NOMO1: variants seen among roughly 807,000 people sequenced by gnomAD.
NOMO1 encodes NODAL modulator 1.
NOMO1 carries 40 observed loss-of-function variants against 133.8 expected under a neutral mutation model. That is an observed-to-expected ratio of 0.30 (90% confidence interval 0.23 to 0.39). The LOEUF (loss-of-function observed/expected upper bound fraction) is 0.39, where lower values mean the gene tolerates loss of function less well. Ranked by LOEUF, NOMO1 falls within the 10% of genes least tolerant of loss-of-function variation. The pLI, the probability that NOMO1 is intolerant of heterozygous loss-of-function variation, is 1.00. For missense variants in NOMO1, 462 were observed against 1,419.9 expected, an observed-to-expected ratio of 0.33 and a Z score of 10.84; for synonymous variants, 236 against 570.5, an observed-to-expected ratio of 0.41 and a Z score of 8.36.
In NOMO1 at chr16:14,876,716, G is replaced by T; in HGVS notation, c.2569G>T (p.Gly857Cys). ...GTACACGGTGACCTCACAGAAGGAG[G>T]GCTATGTTCTGACTGCGGTGGAAGG... ...LEYTVTSQKE[G>C]YVLTAVEGTI... is the part of the protein sequence containing the mutation. Residue 857 changes from glycine to cysteine, a missense_variant, in exon 22 of 31, where the codon GGC becomes TGC. Coordinates refer to ENST00000287667, the MANE Select transcript of NOMO1 (RefSeq NM_014287.4). The T allele has an allele frequency of 1.2e-6, 2 of 1,610,862 alleles. No individual in the cohort carries two copies. The highest frequency in any genetic ancestry group is 2.2e-5 in the South Asian group (2 of 90,928).
At position 14,886,779 on chromosome 16, in the gene NOMO1, G is replaced by T. The variant is rs200317822; in HGVS notation, c.3241G>T (p.Glu1081Ter). 8 of 1,606,396 alleles carry T rather than the reference G, an allele frequency of 5.0e-6. No individual in the cohort carries two copies. The South Asian group carries it at 8.8e-5, about 18-fold the overall frequency. Residue 1081 changes from glutamate (E) to a stop codon, truncating the protein, a stop_gained, in exon 28 of 31, where the codon GAA becomes TAA. Coordinates refer to ENST00000287667, the MANE Select transcript of NOMO1 (RefSeq NM_014287.4). LOFTEE classifies it high-confidence loss of function. The part of the protein sequence containing the change: ...PTLWVKLYKS[E>*]NLDNPIQTVS... Reference sequence around the variant, plus strand: ...CCTCCAGGTCAAGCTTTACAAAAGCGAAAACCTCGACAATCCAATCCAGAC... The same window carrying T: ...CCTCCAGGTCAAGCTTTACAAAAGCTAAAACCTCGACAATCCAATCCAGAC...
chr16:14,886,069 G>T (rs946631562), intron 27 of NOMO1, among the ~76,000 whole-genome samples: 10 of 152,044 alleles, frequency 6.6e-5, no homozygotes, highest in Admixed American at 6.5e-4. Flanking sequence ...CACAGCCTTT[G>T]CCATCAGCCA....
rs1158446395 is a variant in NOMO1 at position 14,856,532 on chromosome 16, C to T, written c.964-685C>T. ...GTTGAAGCGATTCTCCTGCCTCAGCCTCCCGAGTAGCTGGGATTACAGGCG... is the reference window on the plus strand; with the variant it reads ...GTTGAAGCGATTCTCCTGCCTCAGCTTCCCGAGTAGCTGGGATTACAGGCG... On this transcript the variant is annotated intron_variant, in intron 9 of 30. Coordinates refer to ENST00000287667, the MANE Select transcript of NOMO1 (RefSeq NM_014287.4). Among the ~76,000 whole-genome samples the T allele has an allele frequency of 3.3e-5, 5 of 151,846 alleles. No homozygotes were observed. The South Asian group carries it at 6.2e-4, about 19-fold the overall frequency.
intron 14 of NOMO1, 72 bp from the exon 15 acceptor site, chr16:14,866,483 T>G: frequency 6.2e-7 from 1 of 1,609,722 alleles, no homozygotes; most frequent in Non-Finnish European, 8.5e-7. Context: ...TCATGATCAT[T>G]GTTTCTGGTG....
chr16:14,888,648 G>C, intron 28 of NOMO1: 1 of 290,700 alleles, frequency 3.4e-6, no homozygotes, highest in Non-Finnish European at 6.6e-6. Flanking sequence ...CCCTGGTGCC[G>C]TTCCAGGGAT....
Position 14,862,085 on chromosome 16 carries a change from G to A in NOMO1, c.1221-928G>A, listed in dbSNP as rs920190751. 8.6e-5 allele frequency among the ~76,000 whole-genome samples: 13 copies of A among 151,386 alleles called. No homozygotes were observed. The East Asian group carries it at 1.7e-3, about 20-fold the overall frequency. On this transcript the variant is annotated intron_variant, in intron 11 of 30. Coordinates refer to ENST00000287667, the MANE Select transcript of NOMO1 (RefSeq NM_014287.4). Reference sequence around the variant, plus strand: ...TTCCACTGTTTTTTTTATTTGAGGCGGAGTGGTGGTTCCAACATTTAATGT... The same window carrying A: ...TTCCACTGTTTTTTTTATTTGAGGCAGAGTGGTGGTTCCAACATTTAATGT...
At position 14,868,541 on chromosome 16, in the gene NOMO1, T is replaced by G. The variant is rs114663350; in HGVS notation, c.1807-7T>G. On this transcript the variant is annotated splice_region_variant and splice_polypyrimidine_tract_variant and intron_variant, in intron 15 of 30. Coordinates refer to ENST00000287667, the MANE Select transcript of NOMO1 (RefSeq NM_014287.4). ...TAGTAGTCATTGTATTGGCTTTGCTTCCTTAGGAATTTTATCAGGATGGAA... is the reference window on the plus strand; with the variant it reads ...TAGTAGTCATTGTATTGGCTTTGCTGCCTTAGGAATTTTATCAGGATGGAA... 2 of 1,607,874 alleles carry G rather than the reference T, an allele frequency of 1.2e-6. No homozygotes were observed. Among genetic ancestry groups the G allele is most frequent in the Non-Finnish European group, 1.7e-6 (2 of 1,179,690 alleles).
At position 14,895,010 on chromosome 16, in the gene NOMO1, G is replaced by T; in HGVS notation, c.3457G>T (p.Glu1153Ter). 1 of 1,611,034 alleles carries T rather than the reference G, an allele frequency of 6.2e-7. No individual in the cohort carries two copies. Among genetic ancestry groups the T allele is most frequent in the South Asian group, 1.1e-5 (1 of 90,916 alleles). ...LIFNPTRKLP[E>*]QDIAQGSYIA... ...TCGGTGTTTGCAGAGGAAGCTGCCT[G>T]AACAGGACATCGCACAAGGATCCTA... The change falls in exon 30 of 31, where the codon GAA becomes TAA. Residue 1153 changes from glutamate (E) to a stop codon, truncating the protein, a stop_gained. Coordinates refer to ENST00000287667, the MANE Select transcript of NOMO1 (RefSeq NM_014287.4). LOFTEE classifies it high-confidence loss of function.
In NOMO1 at chr16:14,891,437, T is replaced by G. The variant is rs367695055; in HGVS notation, c.3444+2222T>G. Among the ~76,000 whole-genome samples the G allele has an allele frequency of 7.9e-5, 12 of 152,202 alleles. No homozygotes were observed. The East Asian group carries it at 2.3e-3, about 29-fold the overall frequency. ...TCTGCAAAGATTTACTTTATTTCTATGTTAAATGTGTTGATTTTTTTCTTA... is the reference window on the plus strand; with the variant it reads ...TCTGCAAAGATTTACTTTATTTCTAGGTTAAATGTGTTGATTTTTTTCTTA... On this transcript the variant is annotated intron_variant, in intron 29 of 30. Transcript: ENST00000287667.
intron 23 of NOMO1, 116 bp from the exon 24 acceptor site, chr16:14,879,899 G>T: frequency 6.2e-7 from 1 of 1,600,312 alleles, no homozygotes. Flanking sequence ...ATTTCTGGCT[G>T]CCAGGGAAGC....
At chr16:14,850,809 G>A (rs1597095661) in intron 6 of NOMO1, among the ~76,000 whole-genome samples, 1 of 151,802 alleles carries the variant, frequency 6.6e-6, no homozygotes. Flanking sequence ...AAGGCTGGGC[G>A]CAGTTGCTCA....
At chr16:14,884,145 G>A (rs983285581) in intron 26 of NOMO1, among the ~76,000 whole-genome samples, 41 of 151,486 alleles carry the variant, frequency 2.7e-4, no homozygotes, top group Admixed American at 9.9e-4. Context: ...TAATTCAAAC[G>A]TAGAAAAAAA....
chr16:14,883,378 G>A (rs1038784239), intron 26 of NOMO1, among the ~76,000 whole-genome samples: 9 of 147,768 alleles, frequency 6.1e-5, no homozygotes, highest in African/African-American at 2.0e-4. Flanking sequence ...ACCCTGTCAC[G>A]CAGGATGGAG....
intron 1 of NOMO1, among the ~76,000 whole-genome samples, chr16:14,836,934 T>C (rs1222147093): frequency 6.6e-6 from 1 of 151,586 alleles, no homozygotes; most frequent in African/African-American, 2.4e-5. Context: ...CTCGATCTCC[T>C]GACCTCATGA....
chr16:14,894,296 G>A (rs1305454030), intron 29 of NOMO1, among the ~76,000 whole-genome samples: 16 of 152,144 alleles, frequency 1.1e-4, no homozygotes, highest in Middle Eastern at 3.4e-3. Flanking sequence ...AATGCTGTCT[G>A]CCCAGCAAAA....
At chr16:14,866,131 C>T (rs1258594969) in intron 14 of NOMO1, among the ~76,000 whole-genome samples, 2 of 147,870 alleles carry the variant, frequency 1.4e-5, no homozygotes, top group Non-Finnish European at 3.0e-5. Flanking sequence ...GACCTTGGCT[C>T]ACTGCAACCT....
intron 16 of NOMO1, among the ~76,000 whole-genome samples, chr16:14,870,865 T>G (rs1698641495): frequency 6.8e-6 from 1 of 146,866 alleles, no homozygotes; most frequent in African/African-American, 2.5e-5. Flanking sequence ...GCATAATACC[T>G]GGCCAGGAAG....
At chr16:14,836,095 C>T (rs909000416) in intron 1 of NOMO1, among the ~76,000 whole-genome samples, 2 of 152,070 alleles carry the variant, frequency 1.3e-5, no homozygotes, top group Admixed American at 6.6e-5. Context: ...GAAAGCCAGC[C>T]GATCTTTAGG....
chr16:14,875,606 A>ATGGTTGGGT (rs1567545814), intron 20 of NOMO1, among the ~76,000 whole-genome samples, 184 bp downstream of exon 20: 1 of 112,714 alleles, frequency 8.9e-6, no homozygotes, highest in Non-Finnish European at 2.0e-5. Flanking sequence ...GTTGGGTTGG[A>ATGGTTGGGT]TGGATGGATG....
Sources: allele counts gnomAD v4.1 joint callset (sites outside exome capture counted in the v4.1 genomes callset), GRCh38; gene constraint gnomAD v4.1.1; transcripts MANE v1.5; gene names NCBI Gene and HGNC (gene_info 2026-07-23, HGNC 2026-07-21).